ZDHHC15: variants seen among roughly 807,000 people sequenced by gnomAD.
ZDHHC15 encodes the protein palmitoyltransferase ZDHHC15.
ZDHHC15 carries 19 observed loss-of-function variants against 31.7 expected under a neutral mutation model. That is an observed-to-expected ratio of 0.60 (90% CI 0.42 to 0.88). ZDHHC15 has a LOEUF of 0.88. Ranked by LOEUF, ZDHHC15 falls within the 40% of genes least tolerant of loss-of-function variation. The pLI is 0.00. For synonymous variants in ZDHHC15, 103 were observed against 90.0 expected, an observed-to-expected ratio of 1.14 and a Z score of -0.82; for missense variants, 209 against 251.2, an observed-to-expected ratio of 0.83 and a Z score of 1.14.
chrX:75,405,263 A>G (rs2083399249), intron 10 of ZDHHC15, among the ~76,000 whole-genome samples: 1 of 111,495 alleles, frequency 9.0e-6, no homozygotes, highest in African/African-American at 3.3e-5. Flanking sequence ...GGAGCAGAAA[A>G]GATGACTATT....
At chrX:75,487,586 C>A (rs1364771018) in intron 2 of ZDHHC15, among the ~76,000 whole-genome samples, 1 of 111,836 alleles carries the variant, frequency 8.9e-6, no homozygotes, top group Admixed American at 9.5e-5. Context: ...TAAGAAGGAA[C>A]CAGAAAAACA....
In ZDHHC15 at chrX:75,487,587, C is replaced by G. The variant is rs761599562; in HGVS notation, c.164-8602G>C. Among the ~76,000 whole-genome samples the G allele has an allele frequency of 2.7e-5, 3 of 111,783 alleles. No homozygotes were observed. In the South Asian group the frequency reaches 1.1e-3, roughly 42 times the overall value. ...ACAGTCTACTCAAATAAGAAGGAAC[C>G]AGAAAAACAATTCTGGTAATATGAC... On this transcript the variant is annotated intron_variant, in intron 2 of 11. Transcript: ENST00000373367.
chrX:75,437,398 C>G (rs1423549698), intron 4 of ZDHHC15, among the ~76,000 whole-genome samples: 2 of 89,286 alleles, frequency 2.2e-5, no homozygotes, highest in Non-Finnish European at 2.2e-5. Context: ...AACTCGTCAT[C>G]TAGCATTAGG....
chrX:75,425,720 T>C (rs2083705607), intron 7 of ZDHHC15, among the ~76,000 whole-genome samples: 1 of 112,194 alleles, frequency 8.9e-6, no homozygotes, highest in South Asian at 3.7e-4. Context: ...TTAAATGTGA[T>C]TCTTAAGTGG....
chrX:75,436,840 C>CTGTTT (rs778681230), intron 4 of ZDHHC15, among the ~76,000 whole-genome samples: 1 of 112,483 alleles, frequency 8.9e-6, no homozygotes, highest in Non-Finnish European at 1.9e-5. Flanking sequence ...CTGTAAATAT[C>CTGTTT]TGTTTTGTTT....
chrX:75,487,390 C>T (rs1293408634), intron 2 of ZDHHC15, among the ~76,000 whole-genome samples: 1 of 111,905 alleles, frequency 8.9e-6, no homozygotes, highest in Non-Finnish European at 1.9e-5. Flanking sequence ...TAGCCTGGAG[C>T]CTGGTAGCCC....
Position 75,461,285 on chromosome X carries a change from T to C in ZDHHC15, c.259-10363A>G, listed in dbSNP as rs2084310399. On this transcript the variant is annotated intron_variant, in intron 3 of 11. Coordinates refer to ENST00000373367, the MANE Select transcript of ZDHHC15 (RefSeq NM_144969.3). ...AAAATCTGAGAAATATGGAATTATATAAAGAGAGCAAACCTACAACTGATT... is the reference window on the plus strand; with the variant it reads ...AAAATCTGAGAAATATGGAATTATACAAAGAGAGCAAACCTACAACTGATT... 2.7e-5 allele frequency among the ~76,000 whole-genome samples: 3 copies of C among 111,810 alleles called. No homozygotes were observed. In the South Asian group the frequency reaches 1.1e-3, roughly 42 times the overall value.
At chrX:75,410,815 G>C (rs950199691) in intron 10 of ZDHHC15, among the ~76,000 whole-genome samples, 2 of 112,200 alleles carry the variant, frequency 1.8e-5, no homozygotes, top group African/African-American at 6.5e-5. Flanking sequence ...CTATTTATAA[G>C]AGCCAAAATA....
At chrX:75,508,745 C>T (rs965607394) in intron 1 of ZDHHC15, among the ~76,000 whole-genome samples, 127 of 111,011 alleles carry the variant, frequency 1.1e-3, no homozygotes, top group Non-Finnish European at 2.0e-3. Context: ...AATGGTTGAA[C>T]TAGTTTCCAG....
intron 11 of ZDHHC15, among the ~76,000 whole-genome samples, chrX:75,373,924 C>CTTTTTTTTT (rs1298329750): frequency 7.9e-4 from 15 of 19,042 alleles, no homozygotes; most frequent in South Asian, 4.5e-3. Flanking sequence ...TTCATTCTTT[C>CTTTTTTTTT]TGTTTTTTTT....
chrX:75,461,765 G>A (rs2084319208), intron 3 of ZDHHC15, among the ~76,000 whole-genome samples: 1 of 112,028 alleles, frequency 8.9e-6, no homozygotes. Context: ...TGCCTTGCAA[G>A]ACCTCCTGAA....
intron 1 of ZDHHC15, among the ~76,000 whole-genome samples, chrX:75,510,125 T>A (rs1207669132): frequency 3.6e-5 from 4 of 111,768 alleles, no homozygotes; most frequent in Non-Finnish European, 7.5e-5. Context: ...CAGCCATTCA[T>A]TTACTTTTAA....
intron 2 of ZDHHC15, among the ~76,000 whole-genome samples, chrX:75,503,484 A>T (rs896586681): frequency 1.8e-5 from 2 of 111,182 alleles, no homozygotes; most frequent in East Asian, 5.7e-4. Flanking sequence ...TGTATTTATC[A>T]TGTGTCAGGC....
At chrX:75,465,862 G>A (rs1023766554) in intron 3 of ZDHHC15, among the ~76,000 whole-genome samples, 2 of 111,278 alleles carry the variant, frequency 1.8e-5, no homozygotes, top group South Asian at 7.6e-4. Context: ...GAAAATCCAG[G>A]CAATACTATT....
chrX:75,370,621 TC>T lies in ZDHHC15; in HGVS notation c.*2356del, dbSNP rs769486923. The T allele has an allele frequency of 4.8e-5, 5 of 103,521 alleles. No homozygotes were observed. Among genetic ancestry groups the T allele is most frequent in the African/African-American group, 1.9e-4 (5 of 26,724 alleles). 8.5% of individuals were successfully genotyped at this position (103,521 alleles called of 1,213,427 possible). On this transcript the variant is annotated 3_prime_UTR_variant, in exon 12 of 12. Transcript: ENST00000373367. ...ATCTCAGCTCACCACAACCTCTACC[TC>T]CCAGGTTCAAGCGATTCTCCTGCCT...
intron 10 of ZDHHC15, among the ~76,000 whole-genome samples, chrX:75,380,263 C>T (rs1343710062): frequency 8.9e-6 from 1 of 112,052 alleles, no homozygotes; most frequent in East Asian, 2.8e-4. Context: ...ACTAAGAAGG[C>T]AACTGAAAAA....
intron 2 of ZDHHC15, among the ~76,000 whole-genome samples, chrX:75,480,253 A>G (rs1444921008): frequency 1.8e-5 from 2 of 111,437 alleles, no homozygotes; most frequent in Non-Finnish European, 3.8e-5. Flanking sequence ...TCATTTTAAA[A>G]TTCAAGCAAT....
At chrX:75,500,823 C>A (rs1233153569) in intron 2 of ZDHHC15, among the ~76,000 whole-genome samples, 1 of 109,434 alleles carries the variant, frequency 9.1e-6, no homozygotes, top group Non-Finnish European at 1.9e-5. Flanking sequence ...CCTATACAGT[C>A]TGGAGGTGAG....
chrX:75,443,489 AG>A (rs1216467510), intron 4 of ZDHHC15, among the ~76,000 whole-genome samples: 1 of 112,243 alleles, frequency 8.9e-6, no homozygotes, highest in Non-Finnish European at 1.9e-5. Context: ...AAAGACTTAA[AG>A]GTTAGACCTA....
Sources: allele counts gnomAD v4.1 joint callset (sites outside exome capture counted in the v4.1 genomes callset), GRCh38; gene constraint gnomAD v4.1.1; transcripts MANE v1.5; gene names NCBI Gene and HGNC (gene_info 2026-07-23, HGNC 2026-07-21).